The following ZNF18 variants were observed in gnomAD, a reference collection of about 807,000 sequenced individuals.
The protein encoded by ZNF18 is zinc finger protein 18.
In ZNF18, 42 loss-of-function variants were observed where a neutral mutation model predicts 58.1. The observed-to-expected ratio is 0.72, with a 90% CI of 0.56 to 0.93. The LOEUF (loss-of-function observed/expected upper bound fraction) is 0.93. Ranked by LOEUF, ZNF18 falls within the 40% of genes least tolerant of loss-of-function variation. The pLI is 0.00. For synonymous variants in ZNF18, 231 were observed against 239.8 expected, an observed-to-expected ratio of 0.96 and a Z score of 0.34; for missense variants, 540 against 644.2, an observed-to-expected ratio of 0.84 and a Z score of 1.75.
In ZNF18 at chr17:11,978,069, A is replaced by G; in HGVS notation, c.1538T>C (p.Val513Ala). Reference sequence around the variant, plus strand: ...TTTATAAGGTTTCTCTCCAGTGTGAACCCTCTGATGTCTATTAAAGTTTGA... The same window carrying G: ...TTTATAAGGTTTCTCTCCAGTGTGAGCCCTCTGATGTCTATTAAAGTTTGA... ...QRSNFNRHQRVHTGEKPYKCS... is the reference protein window; with the variant it reads ...QRSNFNRHQRAHTGEKPYKCS... Residue 513 changes from valine (V) to alanine (A), a missense_variant, in exon 7 of 7, where the codon GTT becomes GCT. Physicochemically the swap from Val to Ala is moderately conservative, Grantham distance 64 (BLOSUM62 0). Coordinates refer to ENST00000580306, the MANE Select transcript of ZNF18 (RefSeq NM_001303281.2). 1 of 1,613,880 alleles carries G rather than the reference A, an allele frequency of 6.2e-7. No homozygotes were observed. The highest frequency in any genetic ancestry group is 8.5e-7 in the Non-Finnish European group (1 of 1,179,968).
the ZNF18 span, chr17:12,021,112 G>GCCGGCTTCTCCCT: frequency 1.7e-6 from 1 of 574,552 alleles, no homozygotes; most frequent in Non-Finnish European, 2.5e-6. Flanking sequence ...CACGGCAGCC[G>GCCGGCTTCTCCCT]CCGGCTTCTC....
At position 11,990,560 on chromosome 17, in the gene ZNF18, G is replaced by A. The variant is rs748885050; in HGVS notation, c.578-10C>T. On this transcript the variant is annotated splice_polypyrimidine_tract_variant and intron_variant, in intron 3 of 6. Coordinates refer to ENST00000580306, the MANE Select transcript of ZNF18 (RefSeq NM_001303281.2). Reference sequence around the variant, plus strand: ...TGGGAGGCAGCCAGGGCTGAAGTGAGGAGAGGAAGTTTTCAGAATCTGGAT... The same window carrying A: ...TGGGAGGCAGCCAGGGCTGAAGTGAAGAGAGGAAGTTTTCAGAATCTGGAT... 1 of 1,604,326 alleles carries A rather than the reference G, an allele frequency of 6.2e-7. No homozygotes were observed. Among genetic ancestry groups the A allele is most frequent in the Non-Finnish European group, 8.5e-7 (1 of 1,176,314 alleles).
chr17:11,991,966 C>T (rs935281021), intron 2 of ZNF18, among the ~76,000 whole-genome samples: 26 of 152,142 alleles, frequency 1.7e-4, no homozygotes, highest in African/African-American at 6.0e-4. Context: ...GTACTGGTAA[C>T]GTAGCACGCC....
chr17:12,019,361 C>G, the ZNF18 span, among the ~76,000 whole-genome samples: 12 of 149,162 alleles, frequency 8.0e-5, no homozygotes, highest in East Asian at 2.4e-3. Context: ...CTAGTAGTTG[C>G]CTAATCTGTA....
Position 11,992,928 on chromosome 17 carries a change from A to AT in ZNF18, c.-82-18dup. ...ACCAGGACACTAAAAAGGGAATGAG[A>AT]TTGAGTGCTACACAGAGGAAGGGGA... On this transcript the variant is annotated splice_polypyrimidine_tract_variant and intron_variant, in intron 1 of 6. Coordinates refer to ENST00000580306, the MANE Select transcript of ZNF18 (RefSeq NM_001303281.2). The AT allele has an allele frequency of 7.4e-7, 1 of 1,360,470 alleles. No homozygotes were observed. Among genetic ancestry groups the AT allele is most frequent in the Non-Finnish European group, 9.8e-7 (1 of 1,017,018 alleles). The allele number at this position is 1,360,470 out of a possible 1,614,324, so 84.3% of individuals were successfully genotyped here.
chr17:12,013,734 T>A, the ZNF18 span, among the ~76,000 whole-genome samples: 1 of 152,234 alleles, frequency 6.6e-6, no homozygotes, highest in Admixed American at 6.5e-5. Flanking sequence ...GTAACTTAAT[T>A]CTTTTCAACA....
In ZNF18 at chr17:11,978,556, G is replaced by C; in HGVS notation, c.1051C>G (p.Gln351Glu). 3 of 1,613,566 alleles carry C rather than the reference G, an allele frequency of 1.9e-6. No individual in the cohort carries two copies. Among genetic ancestry groups the C allele is most frequent in the Non-Finnish European group, 2.5e-6 (3 of 1,179,876 alleles). Residue 351 changes from glutamine to glutamate, a missense_variant, in exon 7 of 7, where the codon CAG (glutamine) becomes GAG (glutamate). Gln to Glu is a conservative substitution (Grantham distance 29, BLOSUM62 2). Coordinates refer to ENST00000580306, the MANE Select transcript of ZNF18 (RefSeq NM_001303281.2). The part of the protein sequence containing the change: ...ENLPEALQNI[Q>E]DEGTGEQLSP... ...AGCTGTTCCCCTGTTCCCTCATCCT[G>C]AATGTTTTGCAGAGCCTCAGGGAGA...
intron 6 of ZNF18, 56 bp from the exon 7 acceptor site, chr17:11,978,800 T>G: frequency 1.2e-6 from 1 of 827,548 alleles, no homozygotes; most frequent in Non-Finnish European, 1.7e-6. Context: ...GTTTTCTAAC[T>G]CATATGTCAA....
At chr17:12,001,896 T>G (rs1354388247), upstream of ZNF18, among the ~76,000 whole-genome samples, 1 of 151,956 alleles carries the variant, frequency 6.6e-6, no homozygotes, top group Non-Finnish European at 1.5e-5. Context: ...TGAAAGCACA[T>G]GCACTCCAAA....
chr17:11,996,300 T>C (rs1351281628), intron 1 of ZNF18, among the ~76,000 whole-genome samples: 1 of 152,194 alleles, frequency 6.6e-6, no homozygotes, highest in Non-Finnish European at 1.5e-5. Context: ...ATCCAACCTA[T>C]TTGGCTCAAG....
Position 11,992,932 on chromosome 17 carries a change from A to G in ZNF18, c.-82-21T>C. 5 of 1,315,880 alleles carry G rather than the reference A, an allele frequency of 3.8e-6. No individual in the cohort carries two copies. The South Asian group carries it at 6.0e-5, about 16-fold the overall frequency. 81.5% of individuals were successfully genotyped at this position (1,315,880 alleles called of 1,614,324 possible). A position where few individuals can be genotyped will look rare whatever the true frequency, so the allele number is the denominator to read the frequency against. On this transcript the variant is annotated intron_variant, in intron 1 of 6. Coordinates refer to ENST00000580306, the MANE Select transcript of ZNF18 (RefSeq NM_001303281.2). ...GGACACTAAAAAGGGAATGAGATTG[A>G]GTGCTACACAGAGGAAGGGGACACA...
chr17:12,014,247 A>G, the ZNF18 span, among the ~76,000 whole-genome samples: 1 of 152,258 alleles, frequency 6.6e-6, no homozygotes, highest in African/African-American at 2.4e-5. Flanking sequence ...ATGGTTAAAC[A>G]TAGAGCTACC....
Position 11,984,200 on chromosome 17 carries a change from GGA to G in ZNF18, c.667-5_667-4del. 3.3e-6 allele frequency: 5 copies of G among 1,516,850 alleles called. No homozygotes were observed. Among genetic ancestry groups the G allele is most frequent in the Admixed American group, 4.1e-5 (2 of 49,000 alleles). The allele number at this position is 1,516,850 out of a possible 1,614,324, so 94.0% of individuals were successfully genotyped here. Reference sequence around the variant, plus strand: ...GAATCCAGTTGTCTCCACTGTTCCTGGAAAAAAAAAAAAAAAAGCAATACAAT... The same window carrying G: ...GAATCCAGTTGTCTCCACTGTTCCTGAAAAAAAAAAAAAAAGCAATACAAT... On this transcript the variant is annotated splice_region_variant and splice_polypyrimidine_tract_variant and intron_variant, in intron 4 of 6. Coordinates refer to ENST00000580306, the MANE Select transcript of ZNF18 (RefSeq NM_001303281.2).
At chr17:12,018,168 A>C in the ZNF18 span, among the ~76,000 whole-genome samples, 1 of 152,170 alleles carries the variant, frequency 6.6e-6, no homozygotes, top group African/African-American at 2.4e-5. Context: ...TATAAATGTA[A>C]ATTTGCTGGT....
the ZNF18 span, among the ~76,000 whole-genome samples, chr17:12,018,516 C>T: frequency 2.6e-5 from 4 of 152,098 alleles, no homozygotes; most frequent in African/African-American, 7.2e-5. Context: ...ACTCGTATGA[C>T]CTCATTTTAC....
chr17:12,018,362 G>A, the ZNF18 span, among the ~76,000 whole-genome samples: 2 of 152,252 alleles, frequency 1.3e-5, no homozygotes, highest in East Asian at 3.9e-4. Flanking sequence ...TCACAGTTAT[G>A]GAGGCTGGAA....
At position 11,983,321 on chromosome 17, in the gene ZNF18, T is replaced by C; in HGVS notation, c.838A>G (p.Lys280Glu). The part of the protein sequence containing the change: ...LAGIYLHVNE[K>E]IPRPTCIGDR... ...CCTATGCAGGTGGGTCTTGGGATCT[T>C]CTCATTGACATGAAGGTATATTCCT... Residue 280 changes from lysine to glutamate, a missense_variant, in exon 6 of 7, where the codon AAG becomes GAG. By Grantham distance (56) the Lys-to-Glu change is moderately conservative. Transcript: ENST00000580306. 1 of 1,613,944 alleles carries C rather than the reference T, an allele frequency of 6.2e-7. No homozygotes were observed. The highest frequency in any genetic ancestry group is 8.5e-7 in the Non-Finnish European group (1 of 1,179,824).
chr17:12,018,880 T>G, the ZNF18 span, among the ~76,000 whole-genome samples: 4 of 151,652 alleles, frequency 2.6e-5, no homozygotes, highest in Admixed American at 2.6e-4. Flanking sequence ...TCTCTTTTAA[T>G]TCAGTTTCCC....
chr17:11,987,391 T>A (rs1967821511), intron 4 of ZNF18, among the ~76,000 whole-genome samples: 1 of 152,146 alleles, frequency 6.6e-6, no homozygotes, highest in South Asian at 2.1e-4. Flanking sequence ...TTAGAGGGAG[T>A]GATTAATTTA....
Sources: gnomAD v4.1 joint callset for allele counts (sites outside exome capture counted in the v4.1 genomes callset) on GRCh38, gnomAD v4.1.1 for gene constraint, MANE v1.5 for transcripts, NCBI Gene and HGNC (gene_info 2026-07-23, HGNC 2026-07-21) for gene names.